HYLS1: variants seen among roughly 807,000 people sequenced by gnomAD.
HYLS1 encodes the protein centriolar and ciliogenesis-associated protein HYLS1.
Under a neutral mutation model 29.4 loss-of-function variants are expected in HYLS1, and 25 were observed. The ratio of observed to expected loss-of-function variants is 0.85; its 90% CI spans 0.62 to 1.19. The LOEUF (loss-of-function observed/expected upper bound fraction) is 1.19, where lower values mean the gene tolerates loss of function less well. Ranked by LOEUF, HYLS1 falls within the 50% of genes most tolerant of loss-of-function variation. The pLI, the probability that HYLS1 is intolerant of heterozygous loss-of-function variation, is 0.00. For missense variants in HYLS1, 352 were observed against 365.1 expected (o/e 0.96, Z 0.29); for synonymous variants, 128 against 126.7 (o/e 1.01, Z -0.07).
Position 125,893,773 on chromosome 11 carries a change from A to C in HYLS1, c.-26+2301A>C, listed in dbSNP as rs200663209. The stretch of plus-strand genomic sequence containing the variant: ...ATTAGGTGGTTCCTAGATCCTGGCA[A>C]ATTGTCTATGGTTAAATGATGCTTT... On this transcript the variant is annotated intron_variant, in intron 2 of 2. Coordinates refer to ENST00000425380, the MANE Select transcript of HYLS1 (RefSeq NM_001134793.2). 56 of 1,583,490 alleles carry C rather than the reference A, an allele frequency of 3.5e-5. No homozygotes were observed. In the African/African-American group the frequency reaches 6.9e-4, roughly 20 times the overall value.
intron 2 of HYLS1, chr11:125,896,210 C>T: frequency 6.2e-7 from 1 of 1,614,142 alleles, no homozygotes; most frequent in Non-Finnish European, 8.5e-7. Context: ...TAAGTCTTTG[C>T]ACCTCTTGCT....
rs757639290 is a variant in HYLS1, at chr11:125,899,569, A to G, written c.201A>G (p.Gln67=). Residue 67 remains glutamine, a synonymous_variant, in exon 3 of 3, where the codon CAA becomes CAG. Transcript: ENST00000425380. ...GGAAGCGACCTGCTCTTCCTGTGCA[A>G]CTACAGTACCCACATGTAGAAAGTA... ...APGKRPALPV[Q]LQYPHVESNV... The G allele has an allele frequency of 2.5e-6, 4 of 1,614,118 alleles. No homozygotes were observed. The highest frequency in any genetic ancestry group is 1.1e-5 in the South Asian group (1 of 91,078).
intron 2 of HYLS1, among the ~76,000 whole-genome samples, chr11:125,897,226 T>C (rs1158201115): frequency 6.6e-6 from 1 of 152,174 alleles, no homozygotes; most frequent in Non-Finnish European, 1.5e-5. Flanking sequence ...TTTTTTACTA[T>C]GAGTTTCTGT....
Position 125,900,100 on chromosome 11 carries a change from G to A in HYLS1, c.732G>A (p.Gln244=). The A allele has an allele frequency of 3.7e-6, 6 of 1,614,212 alleles. No homozygotes were observed. The highest frequency in any genetic ancestry group is 5.1e-6 in the Non-Finnish European group (6 of 1,180,044). ...AATTACGCTGGGGTGTCCGAGAGCA[G>A]ATGCTTTGTCGAGCAGAACCCCAAT... ...RKELRWGVRE[Q]MLCRAEPQSK... Residue 244 remains glutamine, a synonymous_variant, in exon 3 of 3, where the codon CAG becomes CAA. Transcript: ENST00000425380.
chr11:125,896,295 C>T (rs943047262), intron 2 of HYLS1: 1 of 1,597,976 alleles, frequency 6.3e-7, no homozygotes, highest in African/African-American at 1.3e-5. Context: ...GATATGACAA[C>T]CCCAGGAATA....
intron 2 of HYLS1, among the ~76,000 whole-genome samples, chr11:125,897,630 T>C (rs1339521013): frequency 6.6e-6 from 1 of 152,072 alleles, no homozygotes; most frequent in African/African-American, 2.4e-5. Context: ...TTTTAAATGC[T>C]CAATTTTACT....
At chr11:125,897,678 C>G (rs537315918) in intron 2 of HYLS1, among the ~76,000 whole-genome samples, 2 of 152,180 alleles carry the variant, frequency 1.3e-5, no homozygotes, top group East Asian at 3.9e-4. Flanking sequence ...AACTATTTTT[C>G]AAGGAAGTGA....
At chr11:125,888,586 C>T (rs1944351216) in intron 1 of HYLS1, among the ~76,000 whole-genome samples, 1 of 151,614 alleles carries the variant, frequency 6.6e-6, no homozygotes, top group African/African-American at 2.4e-5. Context: ...CCGACCAATA[C>T]GGTGAAACCC....
At position 125,900,620 on chromosome 11, in the gene HYLS1, T is replaced by TA. The variant is rs1303020496; in HGVS notation, c.*353dup. Reference sequence around the variant, plus strand: ...TTTTTAAGTTGCTGGGCATTACACTTACCAATTAAAGAATTTTGGAAATTC... The same window carrying TA: ...TTTTTAAGTTGCTGGGCATTACACTTAACCAATTAAAGAATTTTGGAAATTC... On this transcript the variant is annotated 3_prime_UTR_variant, in exon 3 of 3. Coordinates refer to ENST00000425380, the MANE Select transcript of HYLS1 (RefSeq NM_001134793.2). 1.1e-5 allele frequency: 3 copies of TA among 280,368 alleles called. No individual in the cohort carries two copies. The highest frequency in any genetic ancestry group is 2.2e-5 in the Non-Finnish European group (3 of 137,962). 17.4% of individuals were successfully genotyped at this position (280,368 alleles called of 1,614,324 possible).
At chr11:125,886,897 C>T (rs1045216625), upstream of HYLS1, among the ~76,000 whole-genome samples, 2 of 91,614 alleles carry the variant, frequency 2.2e-5, no homozygotes, top group Non-Finnish European at 2.0e-5. Context: ...GGCAACTGGG[C>T]AACAAGAGGG....
Position 125,899,499 on chromosome 11 carries a change from A to G in HYLS1, c.131A>G (p.Gln44Arg). Reference sequence around the variant, plus strand: ...GAAGGAGATGTCAGGAGAGAAGCCCAATCTATCCAATATGATCCCTACAGT... The same window carrying G: ...GAAGGAGATGTCAGGAGAGAAGCCCGATCTATCCAATATGATCCCTACAGT... ...QGEGDVRREA[Q>R]SIQYDPYSKA... The change falls in exon 3 of 3, where the codon CAA becomes CGA. Residue 44 changes from glutamine (Q) to arginine (R), a missense_variant. Transcript: ENST00000425380. The G allele has an allele frequency of 6.2e-7, 1 of 1,614,188 alleles. No homozygotes were observed. The highest frequency in any genetic ancestry group is 1.1e-5 in the South Asian group (1 of 91,080).
At chr11:125,898,642 A>C (rs1294567462) in intron 2 of HYLS1, among the ~76,000 whole-genome samples, 1 of 152,016 alleles carries the variant, frequency 6.6e-6, no homozygotes, top group Non-Finnish European at 1.5e-5. Flanking sequence ...ATGCCACTGC[A>C]CTCCAGCCTA....
intron 2 of HYLS1, chr11:125,895,580 G>A (rs533170206): frequency 6.2e-7 from 1 of 1,614,180 alleles, no homozygotes; most frequent in African/African-American, 1.3e-5. Flanking sequence ...GGAAAAAATA[G>A]CGGTAAGTCC....
At chr11:125,887,853 A>G (rs1294281736) in intron 1 of HYLS1, 88 bp downstream of exon 1, 1 of 149,772 alleles carries the variant, frequency 6.7e-6, no homozygotes, top group Non-Finnish European at 1.5e-5. Context: ...TCCTTTTCCC[A>G]CCGTCGGGAC....
chr11:125,885,802 G>A (rs1038950637), upstream of HYLS1, among the ~76,000 whole-genome samples: 7 of 152,322 alleles, frequency 4.6e-5, no homozygotes, highest in East Asian at 1.9e-4. Context: ...GCCTTCCGTC[G>A]CATGAACAGG....
At chr11:125,891,885 T>A in intron 2 of HYLS1, among the ~76,000 whole-genome samples, 1 of 152,222 alleles carries the variant, frequency 6.6e-6, no homozygotes, top group East Asian at 1.9e-4. Context: ...GAAGTCTATT[T>A]CTGTGGTCCA....
At chr11:125,894,948 T>TA (rs1944528884) in intron 2 of HYLS1, among the ~76,000 whole-genome samples, 2 of 152,170 alleles carry the variant, frequency 1.3e-5, no homozygotes, top group Admixed American at 6.5e-5. Context: ...TGCTCCCTCT[T>TA]ACATGTTCAT....
At chr11:125,890,139 G>A (rs1944384443) in intron 1 of HYLS1, among the ~76,000 whole-genome samples, 1 of 151,938 alleles carries the variant, frequency 6.6e-6, no homozygotes, top group East Asian at 1.9e-4. Context: ...TGGGGGTCTT[G>A]CTGTGTTGCA....
In HYLS1 at chr11:125,900,257, T is replaced by G. The variant is rs1312526662; in HGVS notation, c.889T>G (p.Ser297Ala). 1 of 1,614,156 alleles carries G rather than the reference T, an allele frequency of 6.2e-7. No homozygotes were observed. Among genetic ancestry groups the G allele is most frequent in the Non-Finnish European group, 8.5e-7 (1 of 1,179,994 alleles). ...ACCCAGGAAGCTTCCCTTCCCTCTT[T>G]CTCCTTCTTAAATCTTTTTAAACTT... ...VIPRKLPFPL[S>A]PS The change falls in exon 3 of 3, where the codon TCT becomes GCT. Residue 297 changes from serine to alanine, a missense_variant. Coordinates refer to ENST00000425380, the MANE Select transcript of HYLS1 (RefSeq NM_001134793.2).
Sources: allele counts gnomAD v4.1 joint callset (sites outside exome capture counted in the v4.1 genomes callset), GRCh38; gene constraint gnomAD v4.1.1; transcripts MANE v1.5; gene names NCBI Gene and HGNC (gene_info 2026-07-23, HGNC 2026-07-21).